Variants in SEPTIN7 observed in about 807,000 individuals in gnomAD.
The protein encoded by SEPTIN7 is septin-7.
Under a neutral mutation model 63.3 loss-of-function variants are expected in SEPTIN7, and 10 were observed. That is an observed-to-expected ratio of 0.16 (90% CI 0.10 to 0.27). SEPTIN7 has a LOEUF of 0.27. Among genes scored for constraint, SEPTIN7 ranks in the 10% least tolerant of loss-of-function variants. The pLI is 1.00. For missense variants in SEPTIN7, 310 were observed against 521.0 expected, an observed-to-expected ratio of 0.59 and a Z score of 3.94; for synonymous variants, 131 against 165.3, an observed-to-expected ratio of 0.79 and a Z score of 1.59.
Position 35,906,813 on chromosome 7 carries a change from A to G in SEPTIN7, c.*2520A>G, listed in dbSNP as rs1788626862. On this transcript the variant is annotated 3_prime_UTR_variant, in exon 14 of 14. Coordinates refer to ENST00000350320, the MANE Select transcript of SEPTIN7 (RefSeq NM_001788.6). ...ACATTCTGACCCACCGCATCTTAAT[A>G]TGTTTTGTCCTCTTGGAGAAACTAG... is the stretch of plus-strand genomic sequence containing the variant. The G allele has an allele frequency of 6.6e-6, 1 of 152,190 alleles. No individual in the cohort carries two copies. Among genetic ancestry groups the G allele is most frequent in the Non-Finnish European group, 1.5e-5 (1 of 68,032 alleles). The allele number at this position is 152,190 out of a possible 1,614,324, so 9.4% of individuals were successfully genotyped here. A position where few individuals can be genotyped will look rare whatever the true frequency, so the allele number is the denominator to read the frequency against.
intron 10 of SEPTIN7, among the ~76,000 whole-genome samples, chr7:35,888,362 A>T (rs1387772200): frequency 2.6e-5 from 4 of 152,220 alleles, no homozygotes; most frequent in Admixed American, 2.6e-4. Context: ...AAGAAAAATT[A>T]TTCATTATCT....
Position 35,872,894 on chromosome 7 carries a change from G to A in SEPTIN7, c.377+128G>A. 9.4e-6 allele frequency: 6 copies of A among 637,960 alleles called. No homozygotes were observed. The South Asian group carries it at 1.0e-4, about 11-fold the overall frequency. 39.5% of individuals were successfully genotyped at this position (637,960 alleles called of 1,614,324 possible). ...CACCAAACTTCAAGCAACATGACTT[G>A]GGTTTGTATACCAACTTTGCCACTT... On this transcript the variant is annotated intron_variant, in intron 5 of 13. Coordinates refer to ENST00000350320, the MANE Select transcript of SEPTIN7 (RefSeq NM_001788.6).
chr7:35,858,247 C>T (rs2116109907), intron 3 of SEPTIN7, among the ~76,000 whole-genome samples: 1 of 152,112 alleles, frequency 6.6e-6, no homozygotes, highest in African/African-American at 2.4e-5. Flanking sequence ...GCCCAACCCC[C>T]ACTTTTATTT....
chr7:35,863,751 A>C (rs1785644948), intron 4 of SEPTIN7, 93 bp downstream of exon 4: 5 of 612,032 alleles, frequency 8.2e-6, no homozygotes, highest in Non-Finnish European at 1.3e-5. Flanking sequence ...CCTTAGAGGT[A>C]AGATGCAAAT....
chr7:35,845,653 T>C (rs1251527794), intron 3 of SEPTIN7, among the ~76,000 whole-genome samples: 2 of 152,196 alleles, frequency 1.3e-5, no homozygotes, highest in Non-Finnish European at 2.9e-5. Flanking sequence ...GTAAATATCG[T>C]GCTCAAGTTT....
intron 1 of SEPTIN7, among the ~76,000 whole-genome samples, chr7:35,805,149 T>G (rs369841786): frequency 6.6e-5 from 10 of 152,326 alleles, no homozygotes; most frequent in African/African-American, 2.4e-4. Context: ...CCCAAAGTGC[T>G]GGGATTATAG....
intron 1 of SEPTIN7, among the ~76,000 whole-genome samples, chr7:35,808,231 A>G (rs1788480013): frequency 6.6e-6 from 1 of 152,038 alleles, no homozygotes; most frequent in Non-Finnish European, 1.5e-5. Context: ...CCCCCAAGTC[A>G]CCCAGTTTCC....
chr7:35,881,084 A>C (rs569530052), intron 7 of SEPTIN7, among the ~76,000 whole-genome samples: 24 of 152,028 alleles, frequency 1.6e-4, no homozygotes, highest in Admixed American at 4.6e-4. Flanking sequence ...TTCAATATGA[A>C]TTTCAGAATA....
In SEPTIN7 at chr7:35,801,239, T is replaced by G. The variant is rs554392519; in HGVS notation, c.30T>G (p.Ala10=). 1.7e-5 allele frequency: 26 copies of G among 1,535,012 alleles called. No individual in the cohort carries two copies. In the South Asian group the frequency reaches 2.3e-4, roughly 14 times the overall value. The change falls in exon 1 of 14, where the codon GCT becomes GCG. Residue 10 remains alanine (A), a synonymous_variant. Coordinates refer to ENST00000350320, the MANE Select transcript of SEPTIN7 (RefSeq NM_001788.6). ...CGGTCAGTGCGAGATCCGCTGCTGC[T>G]GAGGAGAGGAGCGTCAACAGCAGCA... is the stretch of plus-strand genomic sequence containing the variant. MSVSARSAA[A]EERSVNSSTM...
At chr7:35,875,122 G>T (rs1263758121) in intron 6 of SEPTIN7, among the ~76,000 whole-genome samples, 2 of 151,980 alleles carry the variant, frequency 1.3e-5, no homozygotes, top group Non-Finnish European at 2.9e-5. Context: ...CCATCCCCTT[G>T]GGGAAAATTT....
intron 10 of SEPTIN7, 100 bp from the exon 11 acceptor site, chr7:35,890,568 T>G (rs1279716827): frequency 5.6e-5 from 59 of 1,061,980 alleles, no homozygotes; most frequent in Middle Eastern, 3.5e-4. Context: ...AAATCTGAAA[T>G]TTTTGTTTTG....
intron 10 of SEPTIN7, 56 bp from the exon 11 acceptor site, chr7:35,890,612 G>GC (rs1440685155): frequency 1.5e-6 from 2 of 1,341,874 alleles, no homozygotes; most frequent in African/African-American, 3.0e-5. Flanking sequence ...AACTTTTTAA[G>GC]CTTTTTTCCC....
At chr7:35,801,827 GC>G in intron 1 of SEPTIN7, among the ~76,000 whole-genome samples, 1 of 152,194 alleles carries the variant, frequency 6.6e-6, no homozygotes, top group East Asian at 1.9e-4. Context: ...CCAGGCTGAG[GC>G]TGTGGTGGAG....
intron 10 of SEPTIN7, among the ~76,000 whole-genome samples, chr7:35,889,315 C>T (rs77313999): frequency 0.011 from 1,650 of 152,116 alleles, 34 homozygotes; most frequent in East Asian, 0.078. Flanking sequence ...TATAAGAGAA[C>T]GTGAATTTAT....
At chr7:35,868,852 A>T (rs1785973920) in intron 4 of SEPTIN7, among the ~76,000 whole-genome samples, 1 of 152,182 alleles carries the variant, frequency 6.6e-6, no homozygotes, top group Non-Finnish European at 1.5e-5. Context: ...TATTTCACAC[A>T]CACTGTACCA....
At chr7:35,862,076 A>T (rs1022739805) in intron 3 of SEPTIN7, among the ~76,000 whole-genome samples, 3 of 152,288 alleles carry the variant, frequency 2.0e-5, no homozygotes, top group South Asian at 2.1e-4. Context: ...GCCACTCAAT[A>T]ATACTTTTTA....
In SEPTIN7 at chr7:35,884,003, G is replaced by GTGAA; in HGVS notation, c.820+20_820+23dup. On this transcript the variant is annotated intron_variant, in intron 9 of 13. Transcript: ENST00000350320. ...GTTGCTGAAGGTAAGATTTTCTTCAGTGAATGACTTTCTAAAATATCTCAA... is the reference window on the plus strand; with the variant it reads ...GTTGCTGAAGGTAAGATTTTCTTCAGTGAATGAATGACTTTCTAAAATATCTCAA... The GTGAA allele has an allele frequency of 6.7e-7, 1 of 1,493,112 alleles. No individual in the cohort carries two copies. The allele number at this position is 1,493,112 out of a possible 1,614,324, so 92.5% of individuals were successfully genotyped here.
At chr7:35,826,197 A>G (rs1162190926) in intron 1 of SEPTIN7, among the ~76,000 whole-genome samples, 1 of 151,988 alleles carries the variant, frequency 6.6e-6, no homozygotes, top group Non-Finnish European at 1.5e-5. Flanking sequence ...TAGGAATTTG[A>G]CTAAGCAAGT....
rs1787922138 is a variant in SEPTIN7, at chr7:35,801,117, C to T, written c.-93C>T. 1 of 1,066,254 alleles carries T rather than the reference C, an allele frequency of 9.4e-7. No individual in the cohort carries two copies. The highest frequency in any genetic ancestry group is 1.3e-6 in the Non-Finnish European group (1 of 772,256). 66.0% of individuals were successfully genotyped at this position (1,066,254 alleles called of 1,614,324 possible). A position where few individuals can be genotyped will look rare whatever the true frequency, so the allele number is the denominator to read the frequency against. On this transcript the variant is annotated 5_prime_UTR_variant, in exon 1 of 14. The change creates a new upstream start codon in the 5' untranslated region. Coordinates refer to ENST00000350320, the MANE Select transcript of SEPTIN7 (RefSeq NM_001788.6). The stretch of plus-strand genomic sequence containing the variant: ...GTAGCGTGCGTAAGCAAGGCAGCTA[C>T]GCCGGGCGGCTACGCTGCGGAATCG...
Sources: allele counts gnomAD v4.1 joint callset (sites outside exome capture counted in the v4.1 genomes callset), GRCh38; gene constraint gnomAD v4.1.1; transcripts MANE v1.5; gene names NCBI Gene and HGNC (gene_info 2026-07-23, HGNC 2026-07-21).